The following PIP5KL1 variants were observed in gnomAD, a reference collection of about 807,000 sequenced individuals.
PIP5KL1 encodes phosphatidylinositol 4-phosphate 5-kinase-like protein 1.
A neutral mutation model predicts 47.6 loss-of-function variants in PIP5KL1; 45 were observed. That is an observed-to-expected ratio of 0.94 (90% CI 0.74 to 1.21). PIP5KL1 has a LOEUF of 1.21. Among genes scored for constraint, PIP5KL1 ranks in the 50% most tolerant of loss-of-function variants. PIP5KL1 has a pLI of 0.00. For missense variants in PIP5KL1, 577 were observed against 547.6 expected (o/e 1.05, Z -0.54); for synonymous variants, 256 against 234.6 (o/e 1.09, Z -0.84).
At chr9:127,925,772 G>C in intron 8 of PIP5KL1, 95 bp downstream of exon 8, 1 of 1,105,264 alleles carries the variant, frequency 9.0e-7, no homozygotes, top group South Asian at 1.2e-5. Context: ...CCGAATCTGG[G>C]CTCTTAATAA....
rs1468651655 is a variant in PIP5KL1, at chr9:127,927,483, C to T, written c.560-152G>A. ...TGGTCCGGATCCCGACCCGATCCCA[C>T]CCCTAAACACAGCCCCAGTGGTGCC... On this transcript the variant is annotated intron_variant, in intron 5 of 9. Transcript: ENST00000388747. This position sits in a 1 kb window ranked among gnomAD's most constrained non-coding sequence, Gnocchi z 5.5. 1 of 1,465,020 alleles carries T rather than the reference C, an allele frequency of 6.8e-7. No homozygotes were observed. Among genetic ancestry groups the T allele is most frequent in the Non-Finnish European group, 9.0e-7 (1 of 1,109,692 alleles). The allele number at this position is 1,465,020 out of a possible 1,614,324, so 90.8% of individuals were successfully genotyped here.
chr9:127,921,917 G>A lies in PIP5KL1; in HGVS notation c.1115C>T (p.Thr372Ile), dbSNP rs997146060. ...GCGAGCCGGGCTGACAGTGGAGAAG[G>A]TCCGGCCTGGGTAGCGCAGTGTCTT... ...LWKTLRYPGR[T>I]FSTVSPARYA... The change falls in exon 10 of 10, where the codon ACC (threonine) becomes ATC (isoleucine). Residue 372 changes from threonine (T) to isoleucine (I), a missense_variant. Physicochemically the swap from Thr to Ile is moderately conservative, Grantham distance 89 (BLOSUM62 -1). Coordinates refer to ENST00000388747, the MANE Select transcript of PIP5KL1 (RefSeq NM_001135219.2). The A allele has an allele frequency of 6.3e-7, 1 of 1,578,040 alleles. No homozygotes were observed. The highest frequency in any genetic ancestry group is 1.3e-5 in the African/African-American group (1 of 74,288).
intron 9 of PIP5KL1, among the ~76,000 whole-genome samples, 155 bp from the exon 10 acceptor site, chr9:127,922,269 G>C (rs572866204): frequency 1.3e-5 from 2 of 152,330 alleles, no homozygotes; most frequent in African/African-American, 2.4e-5. Context: ...TGAGAAAAGT[G>C]AAAGTGTTGG....
Position 127,929,852 on chromosome 9 carries a change from C to T in PIP5KL1, c.64G>A (p.Ala22Thr). 1 of 1,543,860 alleles carries T rather than the reference C, an allele frequency of 6.5e-7. No individual in the cohort carries two copies. The highest frequency in any genetic ancestry group is 8.7e-7 in the Non-Finnish European group (1 of 1,145,410). Residue 22 changes from alanine (A) to threonine (T), a missense_variant, in exon 2 of 10, where the codon GCA (alanine) becomes ACA (threonine). Transcript: ENST00000388747. The surrounding 1 kb of genome is among the most constrained non-coding windows in gnomAD (Gnocchi z 4.0). ...AGCCCCCGCCGGCTGGAGGTGACTG[C>T]TCTGCATCCAGCCTCAGGGGAGGGG... ...LAPSPEAGCRAVTSSRRGLLW... is the reference protein window; with the variant it reads ...LAPSPEAGCRTVTSSRRGLLW...
chr9:127,927,484 C>T lies in PIP5KL1; in HGVS notation c.560-153G>A. On this transcript the variant is annotated intron_variant, in intron 5 of 9. Transcript: ENST00000388747. This position sits in a 1 kb window ranked among gnomAD's most constrained non-coding sequence, Gnocchi z 5.5. ...GGTCCGGATCCCGACCCGATCCCAC[C>T]CCTAAACACAGCCCCAGTGGTGCCC... is the stretch of plus-strand genomic sequence containing the variant. 6.8e-7 allele frequency: 1 copy of T among 1,465,830 alleles called. No homozygotes were observed. Among genetic ancestry groups the T allele is most frequent in the South Asian group, 1.4e-5 (1 of 73,504 alleles). 90.8% of individuals were successfully genotyped at this position (1,465,830 alleles called of 1,614,324 possible). A position where few individuals can be genotyped will look rare whatever the true frequency, so the allele number is the denominator to read the frequency against.
rs1295485438 is a variant in PIP5KL1 at position 127,930,746 on chromosome 9, C to G, written c.7G>C (p.Ala3Pro). 1 of 1,557,596 alleles carries G rather than the reference C, an allele frequency of 6.4e-7. No individual in the cohort carries two copies. Among genetic ancestry groups the G allele is most frequent in the Non-Finnish European group, 8.7e-7 (1 of 1,155,914 alleles). The change falls in exon 1 of 10, where the codon GCG (alanine) becomes CCG (proline). Residue 3 changes from alanine (A) to proline (P), a missense_variant. Physicochemically the swap from Ala to Pro is conservative, Grantham distance 27 (BLOSUM62 -1). Coordinates refer to ENST00000388747, the MANE Select transcript of PIP5KL1 (RefSeq NM_001135219.2). MA[A>P]PSPGPREVLA... Reference sequence around the variant, plus strand: ...ACCTCGCGGGGCCCCGGGCTCGGCGCAGCCATCGCCCCCGCAGCAGCTTCC... The same window carrying G: ...ACCTCGCGGGGCCCCGGGCTCGGCGGAGCCATCGCCCCCGCAGCAGCTTCC...
chr9:127,925,766 A>G, intron 8 of PIP5KL1, 101 bp downstream of exon 8: 2 of 1,057,736 alleles, frequency 1.9e-6, no homozygotes, highest in Admixed American at 1.7e-5. Flanking sequence ...GCCCGGCCGA[A>G]TCTGGGCTCT....
At chr9:127,928,599 A>T in intron 2 of PIP5KL1, 116 bp from the exon 3 acceptor site, 1 of 1,137,980 alleles carries the variant, frequency 8.8e-7, no homozygotes, top group East Asian at 2.6e-5. Flanking sequence ...GGATTCCTTC[A>T]GCAAACCGGG....
rs1412110871 is a variant in PIP5KL1 at position 127,929,977 on chromosome 9, TC to T, written c.31-93del. On this transcript the variant is annotated intron_variant, in intron 1 of 9. Coordinates refer to ENST00000388747, the MANE Select transcript of PIP5KL1 (RefSeq NM_001135219.2). The surrounding 1 kb of genome is among the most constrained non-coding windows in gnomAD (Gnocchi z 4.0). ...TCCCACTTCCACTACTTGTGAGACT[TC>T]CCCTCATCTCTCTCTGCCTCAATTT... The T allele has an allele frequency of 1.8e-6, 2 of 1,132,280 alleles. No individual in the cohort carries two copies. Among genetic ancestry groups the T allele is most frequent in the African/African-American group, 3.2e-5 (2 of 63,320 alleles). The allele number at this position is 1,132,280 out of a possible 1,614,324, so 70.1% of individuals were successfully genotyped here.
Position 127,921,753 on chromosome 9 carries a change from G to T in PIP5KL1, c.*94C>A. ...GGATGCTGCCCTCTGGCGACCATCAGGAGGAAGCGCAGGCGAGATGCCCGG... is the reference window on the plus strand; with the variant it reads ...GGATGCTGCCCTCTGGCGACCATCATGAGGAAGCGCAGGCGAGATGCCCGG... On this transcript the variant is annotated 3_prime_UTR_variant, in exon 10 of 10. Transcript: ENST00000388747. 1 of 1,442,994 alleles carries T rather than the reference G, an allele frequency of 6.9e-7. No homozygotes were observed. Among genetic ancestry groups the T allele is most frequent in the Non-Finnish European group, 9.2e-7 (1 of 1,091,020 alleles). The allele number at this position is 1,442,994 out of a possible 1,614,324, so 89.4% of individuals were successfully genotyped here. A position where few individuals can be genotyped will look rare whatever the true frequency, so the allele number is the denominator to read the frequency against.
At position 127,928,148 on chromosome 9, in the gene PIP5KL1, C is replaced by G. The variant is rs539186355; in HGVS notation, c.351G>C (p.Glu117Asp). The change falls in exon 4 of 10, where the codon GAG becomes GAC. Residue 117 changes from glutamate to aspartate, a missense_variant. Coordinates refer to ENST00000388747, the MANE Select transcript of PIP5KL1 (RefSeq NM_001135219.2). ...CGGGGCCCAGGGCAGCCTGATAGTCCTCCTCCGCCAGGCCCAGGGAGCGGC... is the reference window on the plus strand; with the variant it reads ...CGGGGCCCAGGGCAGCCTGATAGTCGTCCTCCGCCAGGCCCAGGGAGCGGC... ...WLRRSLGLAE[E>D]DYQAALGPGG... is the part of the protein sequence containing the mutation. The G allele has an allele frequency of 3.0e-5, 47 of 1,543,960 alleles. No individual in the cohort carries two copies. Among genetic ancestry groups the G allele is most frequent in the Non-Finnish European group, 3.9e-5 (45 of 1,145,608 alleles).
intron 9 of PIP5KL1, 22 bp downstream of exon 9, chr9:127,925,085 G>T: frequency 1.2e-6 from 2 of 1,613,262 alleles, no homozygotes. Flanking sequence ...CAATCTCGCT[G>T]TTGCCCCTGT....
intron 8 of PIP5KL1, chr9:127,925,472 A>G: frequency 3.5e-6 from 2 of 573,662 alleles, no homozygotes; most frequent in Non-Finnish European, 5.9e-6. Flanking sequence ...TTTTATTTTT[A>G]TTTTATTTTT....
In PIP5KL1 at chr9:127,927,264, T is replaced by G; in HGVS notation, c.594+33A>C. On this transcript the variant is annotated intron_variant, in intron 6 of 9. Transcript: ENST00000388747. The surrounding 1 kb of genome is among the most constrained non-coding windows in gnomAD (Gnocchi z 5.5). ...CGGCTGTCGCCCTCCAGCCGCCCGC[T>G]CCGCCCAGCCACCTCGCCTCGGCTT... 2 of 1,611,410 alleles carry G rather than the reference T, an allele frequency of 1.2e-6. No homozygotes were observed. The highest frequency in any genetic ancestry group is 1.7e-6 in the Non-Finnish European group (2 of 1,179,356).
intron 8 of PIP5KL1, chr9:127,925,615 A>C (rs1044812778): frequency 2.0e-6 from 1 of 510,072 alleles, no homozygotes. Context: ...ATAGGCGGGT[A>C]CCACCACGCC....
rs1392025168 is a variant in PIP5KL1, at chr9:127,928,227, G to A, written c.280-8C>T. 1.3e-6 allele frequency: 2 copies of A among 1,533,048 alleles called. No homozygotes were observed. Among genetic ancestry groups the A allele is most frequent in the Non-Finnish European group, 8.8e-7 (1 of 1,140,490 alleles). The allele number at this position is 1,533,048 out of a possible 1,614,324, so 95.0% of individuals were successfully genotyped here. ...CGTGCCCAGCTCGAAGCCCTGCAGGGGAGGAAGAGCCTCCTCTGGAGTGTC... is the reference window on the plus strand; with the variant it reads ...CGTGCCCAGCTCGAAGCCCTGCAGGAGAGGAAGAGCCTCCTCTGGAGTGTC... On this transcript the variant is annotated splice_polypyrimidine_tract_variant and splice_region_variant and intron_variant, in intron 3 of 9. Transcript: ENST00000388747.
Position 127,927,640 on chromosome 9 carries a change from C to G in PIP5KL1, c.559+8G>C. 3 of 1,533,536 alleles carry G rather than the reference C, an allele frequency of 2.0e-6. No individual in the cohort carries two copies. In the African/African-American group the frequency reaches 4.1e-5, roughly 21 times the overall value. 95.0% of individuals were successfully genotyped at this position (1,533,536 alleles called of 1,614,324 possible). On this transcript the variant is annotated splice_region_variant and intron_variant, in intron 5 of 9. Coordinates refer to ENST00000388747, the MANE Select transcript of PIP5KL1 (RefSeq NM_001135219.2). The surrounding 1 kb of genome is among the most constrained non-coding windows in gnomAD (Gnocchi z 5.5). Reference sequence around the variant, plus strand: ...CGCCCCCACCGAGCCCCGCCCCCAGCCAAGTACCCAGCAACCGCGCCAGCA... The same window carrying G: ...CGCCCCCACCGAGCCCCGCCCCCAGGCAAGTACCCAGCAACCGCGCCAGCA...
Position 127,928,479 on chromosome 9 carries a change from G to T in PIP5KL1, c.233C>A (p.Pro78Gln). ...QVSMDHPPTGPPSRDDFSEVL... is the reference protein window; with the variant it reads ...QVSMDHPPTGQPSRDDFSEVL... ...CTCCGAGAAATCGTCCCGGGAGGGC[G>T]GCCCCTGCAGGGAGAGGTAGAGGAG... Residue 78 changes from proline (P) to glutamine (Q), a missense_variant, in exon 3 of 10, where the codon CCG (proline) becomes CAG (glutamine). Coordinates refer to ENST00000388747, the MANE Select transcript of PIP5KL1 (RefSeq NM_001135219.2). The T allele has an allele frequency of 6.3e-7, 1 of 1,592,458 alleles. No homozygotes were observed. The highest frequency in any genetic ancestry group is 8.5e-7 in the Non-Finnish European group (1 of 1,171,184).
At chr9:127,930,584 GGGCGTGTCCT>G in intron 1 of PIP5KL1, 129 bp downstream of exon 1, 1 of 1,070,424 alleles carries the variant, frequency 9.3e-7, no homozygotes, top group Non-Finnish European at 1.3e-6. Context: ...GCCCCGTGTG[GGGCGTGTCCT>G]GGTCTTCGCC....
Sources: gnomAD v4.1 joint callset for allele counts (sites outside exome capture counted in the v4.1 genomes callset) on GRCh38, gnomAD v4.1.1 for gene constraint, Gnocchi (gnomAD v3.1) non-coding constraint, MANE v1.5 for transcripts, NCBI Gene and HGNC (gene_info 2026-07-23, HGNC 2026-07-21) for gene names.